Variants in GRIN2A observed in about 807,000 individuals in gnomAD.
The protein encoded by GRIN2A is glutamate ionotropic receptor NMDA type subunit 2A.
A neutral mutation model predicts 113.4 loss-of-function variants in GRIN2A; 22 were observed. The observed-to-expected ratio is 0.19, with a 90% CI of 0.14 to 0.28. The LOEUF is 0.28. Among genes scored for constraint, GRIN2A ranks in the 10% least tolerant of loss-of-function variants. GRIN2A has a pLI of 1.00. For missense variants in GRIN2A, 1,502 were observed against 1,887.0 expected (o/e 0.80, Z 3.78); for synonymous variants, 827 against 738.4 (o/e 1.12, Z -1.94).
At chr16:10,178,108 C>G (rs1321456514) in intron 2 of GRIN2A, among the ~76,000 whole-genome samples, 1 of 152,320 alleles carries the variant, frequency 6.6e-6, no homozygotes, top group African/African-American at 2.4e-5. Context: ...TAGAAAAACT[C>G]AAGAAGGAAG....
chr16:9,848,466 T>C (rs2042815174), intron 5 of GRIN2A, among the ~76,000 whole-genome samples: 2 of 151,158 alleles, frequency 1.3e-5, no homozygotes, highest in Admixed American at 1.3e-4. Flanking sequence ...TCTGCCCAGC[T>C]TGGCCTCCCA....
At chr16:9,871,166 T>G (rs2043253511) in intron 4 of GRIN2A, among the ~76,000 whole-genome samples, 1 of 152,142 alleles carries the variant, frequency 6.6e-6, no homozygotes, top group Admixed American at 6.6e-5. Flanking sequence ...TGGCACCACC[T>G]TCCACCCAGC....
rs1779610799 is a variant in GRIN2A, at chr16:10,112,336, G to A, written c.414+67662C>T. The A allele has an allele frequency of 1.2e-5, 8 of 651,288 alleles. No individual in the cohort carries two copies. In the South Asian group the frequency reaches 1.4e-4, roughly 11 times the overall value. The allele number at this position is 651,288 out of a possible 1,614,324, so 40.3% of individuals were successfully genotyped here. A position where few individuals can be genotyped will look rare whatever the true frequency, so the allele number is the denominator to read the frequency against. On this transcript the variant is annotated intron_variant, in intron 2 of 12. Transcript: ENST00000330684. ...AACCTGATTGACACTGGTGTGGATG[G>A]ACTGCATGTAGTTATGGGCTGCAGC...
intron 2 of GRIN2A, among the ~76,000 whole-genome samples, chr16:10,057,788 T>C (rs2047480497): frequency 6.6e-6 from 1 of 152,112 alleles, no homozygotes; most frequent in Non-Finnish European, 1.5e-5. Context: ...GAAGGATAAA[T>C]GACAGTTAAG....
At chr16:10,141,935 C>T (rs1190672679) in intron 2 of GRIN2A, among the ~76,000 whole-genome samples, 1 of 152,232 alleles carries the variant, frequency 6.6e-6, no homozygotes, top group South Asian at 2.1e-4. Flanking sequence ...AGCACTATGT[C>T]TAACCTGGTG....
intron 4 of GRIN2A, among the ~76,000 whole-genome samples, chr16:9,858,261 T>A (rs2043001879): frequency 6.6e-6 from 1 of 152,182 alleles, no homozygotes; most frequent in South Asian, 2.1e-4. Context: ...TGAGTTCTTA[T>A]AATAACAGTA....
chr16:10,022,568 A>G (rs1166268820), intron 2 of GRIN2A, among the ~76,000 whole-genome samples: 1 of 152,224 alleles, frequency 6.6e-6, no homozygotes, highest in Non-Finnish European at 1.5e-5. Flanking sequence ...GTGCTGCACC[A>G]TAGTCTATTT....
At chr16:10,044,317 C>T (rs2047223195) in intron 2 of GRIN2A, among the ~76,000 whole-genome samples, 1 of 151,982 alleles carries the variant, frequency 6.6e-6, no homozygotes, top group Non-Finnish European at 1.5e-5. Context: ...CGGGTGTGAG[C>T]CACCACACCT....
At chr16:10,128,606 C>T (rs1447654135) in intron 2 of GRIN2A, among the ~76,000 whole-genome samples, 1 of 152,226 alleles carries the variant, frequency 6.6e-6, no homozygotes, top group Non-Finnish European at 1.5e-5. Flanking sequence ...CAGGCAAGAG[C>T]ATGAATCATG....
intron 2 of GRIN2A, among the ~76,000 whole-genome samples, chr16:9,947,245 T>C (rs978638215): frequency 6.6e-6 from 1 of 152,196 alleles, no homozygotes; most frequent in Non-Finnish European, 1.5e-5. Flanking sequence ...TTCCTCATTG[T>C]TTTTTGTTTT....
intron 2 of GRIN2A, among the ~76,000 whole-genome samples, chr16:10,008,767 G>T (rs1228147906): frequency 6.6e-6 from 1 of 152,138 alleles, no homozygotes; most frequent in Non-Finnish European, 1.5e-5. Context: ...TTTTCACCAT[G>T]GATGCACATT....
chr16:9,831,672 C>T (rs189669340), intron 8 of GRIN2A, among the ~76,000 whole-genome samples: 15 of 151,978 alleles, frequency 9.9e-5, no homozygotes, highest in East Asian at 5.8e-4. Flanking sequence ...CATACCACCA[C>T]GCCCAGCTAA....
intron 4 of GRIN2A, among the ~76,000 whole-genome samples, chr16:9,857,379 A>T (rs539087616): frequency 4.6e-5 from 7 of 152,248 alleles, no homozygotes; most frequent in Non-Finnish European, 8.8e-5. Flanking sequence ...GAAACTGGGC[A>T]TTAGGTATGT....
rs774169125 is a variant in GRIN2A at position 9,938,219 on chromosome 16, G to A, written c.747C>T (p.Thr249=). 32 of 1,613,512 alleles carry A rather than the reference G, an allele frequency of 2.0e-5. No homozygotes were observed. The highest frequency in any genetic ancestry group is 1.5e-4 in the South Asian group (14 of 91,082). ...GGACAATCCAGAAGAAATCATACCC[G>A]GTGAGGCCAAGGGAGCGGGCCTCAC... The part of the protein sequence containing the change: ...ILSEARSLGL[T]GYDFFWIVPS... The change falls in exon 3 of 13, where the codon ACC becomes ACT. Residue 249 remains threonine, a synonymous_variant. Coordinates refer to ENST00000330684, the MANE Select transcript of GRIN2A (RefSeq NM_001134407.3).
At chr16:9,906,076 C>G (rs1240913586) in intron 3 of GRIN2A, among the ~76,000 whole-genome samples, 1 of 152,166 alleles carries the variant, frequency 6.6e-6, no homozygotes, top group Non-Finnish European at 1.5e-5. Flanking sequence ...TTTGTTCCTA[C>G]CTGCACTATA....
intron 2 of GRIN2A, among the ~76,000 whole-genome samples, chr16:10,060,301 C>G (rs2047529624): frequency 6.6e-6 from 1 of 152,306 alleles, no homozygotes; most frequent in Admixed American, 6.5e-5. Flanking sequence ...AGGCACGAAC[C>G]ACATGCCGGG....
intron 2 of GRIN2A, among the ~76,000 whole-genome samples, chr16:9,963,399 A>T (rs918869018): frequency 6.6e-6 from 1 of 151,874 alleles, no homozygotes; most frequent in Non-Finnish European, 1.5e-5. Flanking sequence ...CCCCGCATGC[A>T]TTAGGTATTT....
intron 3 of GRIN2A, among the ~76,000 whole-genome samples, chr16:9,908,468 G>A (rs1198319049): frequency 6.6e-6 from 1 of 151,740 alleles, no homozygotes; most frequent in Non-Finnish European, 1.5e-5. Context: ...AGCTATAAAG[G>A]GTTAATCTTA....
At chr16:9,926,639 T>A (rs908016213) in intron 3 of GRIN2A, among the ~76,000 whole-genome samples, 1 of 152,176 alleles carries the variant, frequency 6.6e-6, no homozygotes, top group African/African-American at 2.4e-5. Context: ...ATGATGATTA[T>A]GATAAAAATA....
Sources: gnomAD v4.1 joint callset for allele counts (sites outside exome capture counted in the v4.1 genomes callset) on GRCh38, gnomAD v4.1.1 for gene constraint, MANE v1.5 for transcripts, NCBI Gene and HGNC (gene_info 2026-07-23, HGNC 2026-07-21) for gene names.